SKAP2: variants seen among roughly 807,000 people sequenced by gnomAD.
The protein encoded by SKAP2 is src kinase associated phosphoprotein 2.
Under a neutral mutation model 54.9 loss-of-function variants are expected in SKAP2, and 28 were observed. The ratio of observed to expected loss-of-function variants is 0.51; its 90% CI spans 0.38 to 0.70. The LOEUF (loss-of-function observed/expected upper bound fraction) is 0.70, where lower values mean the gene tolerates loss of function less well. Among genes scored for constraint, SKAP2 ranks in the 30% least tolerant of loss-of-function variants. The probability of loss-of-function intolerance (pLI) is 0.00; values close to 1 mark genes in which losing one functional copy is unlikely to be tolerated. For synonymous variants in SKAP2, 137 were observed against 134.3 expected (o/e 1.02, Z -0.14); for missense variants, 356 against 424.1 (o/e 0.84, Z 1.41).
chr7:26,785,188 T>G (rs1203935638), intron 4 of SKAP2, among the ~76,000 whole-genome samples: 1 of 151,374 alleles, frequency 6.6e-6, no homozygotes. Flanking sequence ...GGAAACAGAG[T>G]GTTTTTTTGT....
chr7:26,775,643 A>G (rs1783290773), intron 4 of SKAP2, among the ~76,000 whole-genome samples: 1 of 151,904 alleles, frequency 6.6e-6, no homozygotes, highest in African/African-American at 2.4e-5. Context: ...TTCCAACACC[A>G]CAAGGATCCC....
intron 4 of SKAP2, among the ~76,000 whole-genome samples, chr7:26,798,946 A>G (rs1783844635): frequency 6.6e-6 from 1 of 152,100 alleles, no homozygotes; most frequent in South Asian, 2.1e-4. Context: ...CAAGAGACTA[A>G]ATCATAACAC....
intron 9 of SKAP2, among the ~76,000 whole-genome samples, chr7:26,721,806 A>G (rs945682110): frequency 1.3e-5 from 2 of 152,212 alleles, no homozygotes; most frequent in Non-Finnish European, 2.9e-5. Flanking sequence ...ATCAAGTGAC[A>G]TAGTGAATAG....
At chr7:26,720,883 A>G (rs996252721) in intron 9 of SKAP2, among the ~76,000 whole-genome samples, 4 of 152,136 alleles carry the variant, frequency 2.6e-5, no homozygotes, top group Non-Finnish European at 4.4e-5. Flanking sequence ...GGGTACTACA[A>G]TTCAAGATGA....
At chr7:26,717,399 A>G (rs551504426) in intron 9 of SKAP2, among the ~76,000 whole-genome samples, 8 of 150,422 alleles carry the variant, frequency 5.3e-5, no homozygotes, top group Non-Finnish European at 1.2e-4. Flanking sequence ...AGTTCCAGCT[A>G]CTTAGGAGGC....
chr7:26,702,176 G>T (rs779365756), intron 9 of SKAP2, among the ~76,000 whole-genome samples: 2 of 151,562 alleles, frequency 1.3e-5, no homozygotes, highest in Non-Finnish European at 2.9e-5. Context: ...TTTTTTTGAG[G>T]CAGGGTCTCA....
At chr7:26,710,211 G>T (rs1017116788) in intron 9 of SKAP2, among the ~76,000 whole-genome samples, 3 of 152,148 alleles carry the variant, frequency 2.0e-5, no homozygotes, top group African/African-American at 7.2e-5. Context: ...GAAATATAAG[G>T]TTTGATCCTT....
Position 26,746,689 on chromosome 7 carries a change from G to A in SKAP2, c.308-6725C>T, listed in dbSNP as rs1233172010. 3.6e-5 allele frequency: 5 copies of A among 138,020 alleles called. No homozygotes were observed. In the East Asian group the frequency reaches 8.4e-4, roughly 23 times the overall value. The allele number at this position is 138,020 out of a possible 1,614,324, so 8.5% of individuals were successfully genotyped here. ...GACTCAATTTCTTCTTTTAAAACCT[G>A]AAAAAAATAGGTTCAATCATCTCCA... On this transcript the variant is annotated intron_variant, in intron 4 of 12. Transcript: ENST00000345317.
At chr7:26,784,675 T>A (rs1036378391) in intron 4 of SKAP2, among the ~76,000 whole-genome samples, 22 of 152,194 alleles carry the variant, frequency 1.4e-4, no homozygotes, top group African/African-American at 5.3e-4. Context: ...GCATCTTCTG[T>A]AGAAGGCTGA....
chr7:26,691,477 G>A (rs1458207113), intron 9 of SKAP2, among the ~76,000 whole-genome samples: 1 of 152,178 alleles, frequency 6.6e-6, no homozygotes, highest in Non-Finnish European at 1.5e-5. Flanking sequence ...ATATATAAAT[G>A]TAGTCATTGT....
intron 4 of SKAP2, among the ~76,000 whole-genome samples, chr7:26,832,962 C>T (rs28550029): frequency 0.21 from 32,275 of 151,970 alleles, 3,508 homozygotes; most frequent in Non-Finnish European, 0.24. Context: ...CTTGTGTATT[C>T]GGGCTAAATC....
intron 4 of SKAP2, among the ~76,000 whole-genome samples, chr7:26,819,562 AGTATACTT>A (rs1562623104): frequency 8.4e-5 from 8 of 95,136 alleles, no homozygotes; most frequent in South Asian, 3.3e-4. Context: ...CAGAACTTAA[AGTATACTT>A]AAAAAAAAAA....
In SKAP2 at chr7:26,852,692, A is replaced by C. The variant is rs532968934; in HGVS notation, c.199+1445T>G. Among the ~76,000 whole-genome samples the C allele has an allele frequency of 7.9e-5, 12 of 152,302 alleles. No individual in the cohort carries two copies. The East Asian group carries it at 2.3e-3, about 29-fold the overall frequency. ...ACACCTGAACGAATTCTAAAACAAA[A>C]TACCAAAGGGAAAGCTTCCCAACTA... On this transcript the variant is annotated intron_variant, in intron 3 of 12. Coordinates refer to ENST00000345317, the MANE Select transcript of SKAP2 (RefSeq NM_003930.5).
intron 4 of SKAP2, among the ~76,000 whole-genome samples, chr7:26,809,660 G>A (rs758912767): frequency 9.2e-5 from 14 of 152,166 alleles, no homozygotes; most frequent in Non-Finnish European, 2.9e-5. Flanking sequence ...TTGTGGGAAT[G>A]TAAATTAGAA....
At chr7:26,811,180 T>C (rs1435058357) in intron 4 of SKAP2, among the ~76,000 whole-genome samples, 1 of 152,110 alleles carries the variant, frequency 6.6e-6, no homozygotes, top group East Asian at 1.9e-4. Flanking sequence ...TTGTAGGCTT[T>C]GGAGAAAAAA....
At chr7:26,780,127 G>A (rs1465971650) in intron 4 of SKAP2, among the ~76,000 whole-genome samples, 1 of 152,066 alleles carries the variant, frequency 6.6e-6, no homozygotes, top group East Asian at 1.9e-4. Context: ...ACTGACTTTG[G>A]AGAAGTTGCT....
intron 11 of SKAP2, among the ~76,000 whole-genome samples, chr7:26,680,096 C>G (rs1261989244): frequency 6.6e-6 from 1 of 152,152 alleles, no homozygotes; most frequent in East Asian, 1.9e-4. Flanking sequence ...TACTGTGCCT[C>G]TTTTCTGAAG....
chr7:26,665,119 C>A (rs1437316554), downstream of SKAP2, among the ~76,000 whole-genome samples: 2 of 152,306 alleles, frequency 1.3e-5, no homozygotes, highest in Admixed American at 1.3e-4. Context: ...CCCAAGGCGA[C>A]AGCTAGAATG....
chr7:26,728,745 A>C (rs750330841), intron 6 of SKAP2, among the ~76,000 whole-genome samples: 4 of 152,144 alleles, frequency 2.6e-5, no homozygotes, highest in Non-Finnish European at 4.4e-5. Flanking sequence ...GAAAAGTGGA[A>C]GTAATGTGAG....
Sources: gnomAD v4.1 joint callset for allele counts (sites outside exome capture counted in the v4.1 genomes callset) on GRCh38, gnomAD v4.1.1 for gene constraint, MANE v1.5 for transcripts, NCBI Gene and HGNC (gene_info 2026-07-23, HGNC 2026-07-21) for gene names.